The following TENM2 variants were observed in gnomAD, a reference collection of about 807,000 sequenced individuals.
The protein encoded by TENM2 is teneurin transmembrane protein 2, also known as teneurin-2.
A neutral mutation model predicts 245.2 loss-of-function variants in TENM2; 52 were observed. That is an observed-to-expected ratio of 0.21 (90% confidence interval 0.17 to 0.27). TENM2 has a LOEUF of 0.27. Among genes scored for constraint, TENM2 ranks in the 10% least tolerant of loss-of-function variants. The pLI is 1.00. For synonymous variants in TENM2, 1,363 were observed against 1,438.9 expected, an observed-to-expected ratio of 0.95 and a Z score of 1.19; for missense variants, 3,046 against 3,666.8, an observed-to-expected ratio of 0.83 and a Z score of 4.37.
chr5:167,175,432 A>G, the TENM2 span, among the ~76,000 whole-genome samples: 1 of 152,248 alleles, frequency 6.6e-6, no homozygotes, highest in African/African-American at 2.4e-5. Context: ...AAAAGATAAT[A>G]TCATCTCCAA....
At chr5:168,107,782 T>A (rs1794371883) in intron 9 of TENM2, among the ~76,000 whole-genome samples, 1 of 152,210 alleles carries the variant, frequency 6.6e-6, no homozygotes, top group Admixed American at 6.5e-5. Context: ...AATGTTCTCA[T>A]CAATCCCAGC....
chr5:167,107,746 C>T, the TENM2 span, among the ~76,000 whole-genome samples: 1 of 152,280 alleles, frequency 6.6e-6, no homozygotes, highest in South Asian at 2.1e-4. Context: ...AGTGAGAATA[C>T]TGAGGCTTGA....
chr5:167,340,423 G>A (rs1176443195), intron 1 of TENM2, among the ~76,000 whole-genome samples: 1 of 152,122 alleles, frequency 6.6e-6, no homozygotes, highest in Non-Finnish European at 1.5e-5. Context: ...CCAAGATCAG[G>A]GTCCCAGCAT....
intron 2 of TENM2, among the ~76,000 whole-genome samples, chr5:167,568,702 A>G (rs907137192): frequency 1.3e-5 from 2 of 151,576 alleles, no homozygotes; most frequent in African/African-American, 4.9e-5. Flanking sequence ...TATATTTCAA[A>G]TAAAAGCATT....
chr5:167,550,461 G>A (rs1034439602), intron 2 of TENM2, among the ~76,000 whole-genome samples: 5 of 152,100 alleles, frequency 3.3e-5, no homozygotes, highest in African/African-American at 4.8e-5. Flanking sequence ...AGTGGTGGGC[G>A]TTTATGGCTC....
intron 2 of TENM2, among the ~76,000 whole-genome samples, chr5:167,744,674 T>C (rs747797081): frequency 6.6e-6 from 1 of 152,170 alleles, no homozygotes; most frequent in Admixed American, 6.5e-5. Context: ...CCCCAGGTGC[T>C]CATTTTCAAG....
intron 25 of TENM2, among the ~76,000 whole-genome samples, chr5:168,236,964 A>T (rs1581723622): frequency 1.4e-3 from 3 of 2,190 alleles, no homozygotes; most frequent in Admixed American, 6.0e-3. Context: ...ATATATATAT[A>T]TATATATATA....
chr5:167,437,925 G>A (rs72829353), intron 2 of TENM2, among the ~76,000 whole-genome samples: 2 of 152,040 alleles, frequency 1.3e-5, no homozygotes, highest in Non-Finnish European at 2.9e-5. Flanking sequence ...CTTGGATATC[G>A]TTATTAGCAG....
At chr5:167,763,508 T>C (rs1762809442) in intron 2 of TENM2, among the ~76,000 whole-genome samples, 1 of 152,120 alleles carries the variant, frequency 6.6e-6, no homozygotes, top group African/African-American at 2.4e-5. Context: ...AGTGTAATGT[T>C]TCTGGTGGGG....
intron 2 of TENM2, among the ~76,000 whole-genome samples, chr5:167,837,275 A>G (rs1420923245): frequency 6.6e-6 from 1 of 152,154 alleles, no homozygotes; most frequent in African/African-American, 2.4e-5. Flanking sequence ...AAAAGCTGAA[A>G]GAGTGAGCCA....
chr5:167,001,222 C>G, the TENM2 span, among the ~76,000 whole-genome samples: 26 of 152,212 alleles, frequency 1.7e-4, no homozygotes, highest in East Asian at 4.4e-3. Context: ...GTCTCATTGT[C>G]TTTACATGCA....
At chr5:168,170,630 G>T (rs749709839) in intron 13 of TENM2, among the ~76,000 whole-genome samples, 10 of 152,132 alleles carry the variant, frequency 6.6e-5, no homozygotes, top group Non-Finnish European at 1.3e-4. Context: ...ATTTTTGAGA[G>T]CTTACATGTG....
At chr5:167,074,342 G>A in the TENM2 span, among the ~76,000 whole-genome samples, 1 of 152,050 alleles carries the variant, frequency 6.6e-6, no homozygotes, top group African/African-American at 2.4e-5. Flanking sequence ...GCAAAAGCGA[G>A]ACATTAGTGA....
intron 2 of TENM2, among the ~76,000 whole-genome samples, chr5:167,416,955 G>T (rs939831790): frequency 2.6e-5 from 4 of 151,880 alleles, no homozygotes; most frequent in Non-Finnish European, 5.9e-5. Flanking sequence ...AGATTGTTTC[G>T]TTTTTCTTTT....
intron 2 of TENM2, among the ~76,000 whole-genome samples, chr5:167,644,845 A>G (rs527654285): frequency 6.6e-6 from 1 of 152,292 alleles, no homozygotes; most frequent in African/African-American, 2.4e-5. Context: ...GCATCTTTCA[A>G]CATCAAGAAT....
chr5:167,192,594 A>T, the TENM2 span, among the ~76,000 whole-genome samples: 1 of 152,054 alleles, frequency 6.6e-6, no homozygotes, highest in Non-Finnish European at 1.5e-5. Flanking sequence ...GGTGTGATCT[A>T]TTGAATTCAA....
intron 2 of TENM2, among the ~76,000 whole-genome samples, chr5:167,430,817 T>A (rs944475264): frequency 6.6e-6 from 1 of 152,232 alleles, no homozygotes; most frequent in Non-Finnish European, 1.5e-5. Flanking sequence ...AAATCATTCA[T>A]TCTGCCTACA....
At chr5:167,530,337 T>A (rs1035700191) in intron 2 of TENM2, among the ~76,000 whole-genome samples, 1 of 152,174 alleles carries the variant, frequency 6.6e-6, no homozygotes, top group African/African-American at 2.4e-5. Flanking sequence ...ACCTAAAAAT[T>A]TTCATGTGAC....
intron 12 of TENM2, chr5:168,149,397 G>T: frequency 2.2e-6 from 1 of 457,144 alleles, no homozygotes; most frequent in Non-Finnish European, 4.4e-6. Flanking sequence ...TTCCAACCGA[G>T]GAGTCTGGTT....
Sources: allele counts gnomAD v4.1 joint callset (sites outside exome capture counted in the v4.1 genomes callset), GRCh38; gene constraint gnomAD v4.1.1; transcripts MANE v1.5; gene names NCBI Gene and HGNC (gene_info 2026-07-23, HGNC 2026-07-21).